The following EXOC4 variants were observed in gnomAD, a reference collection of about 807,000 sequenced individuals.
The protein encoded by EXOC4 is exocyst complex component 4, also known as SEC8-like 1.
Under a neutral mutation model 107.2 loss-of-function variants are expected in EXOC4, and 71 were observed. The ratio of observed to expected loss-of-function variants is 0.66; its 90% CI spans 0.55 to 0.81. The LOEUF (loss-of-function observed/expected upper bound fraction) is 0.81, where lower values mean the gene tolerates loss of function less well. EXOC4 is among the 30% of genes least tolerant of loss of function. The pLI, the probability that EXOC4 is intolerant of heterozygous loss-of-function variation, is 0.00. For synonymous variants in EXOC4, 456 were observed against 441.2 expected (o/e 1.03, Z -0.42); for missense variants, 1,108 against 1,189.6 (o/e 0.93, Z 1.01).
chr7:133,981,380 G>A (rs987995456), intron 14 of EXOC4, among the ~76,000 whole-genome samples: 5 of 151,942 alleles, frequency 3.3e-5, no homozygotes, highest in Admixed American at 6.6e-5. Flanking sequence ...AACTGTAGAT[G>A]GAGTGAAAAA....
chr7:133,786,198 A>G (rs1331378773), intron 10 of EXOC4, among the ~76,000 whole-genome samples: 3 of 152,206 alleles, frequency 2.0e-5, no homozygotes, highest in Non-Finnish European at 2.9e-5. Flanking sequence ...GACAAAAACC[A>G]GGGCAGCACT....
intron 12 of EXOC4, among the ~76,000 whole-genome samples, chr7:133,912,336 G>C (rs1799713766): frequency 6.6e-6 from 1 of 152,192 alleles, no homozygotes; most frequent in Non-Finnish European, 1.5e-5. Flanking sequence ...TAGCGTAGAA[G>C]GGAAAGGCTT....
At chr7:134,015,658 C>G (rs1043863058) in intron 17 of EXOC4, among the ~76,000 whole-genome samples, 5 of 151,924 alleles carry the variant, frequency 3.3e-5, no homozygotes, top group African/African-American at 1.2e-4. Context: ...AGGTGGATCA[C>G]GAGGTCAGGA....
chr7:133,955,807 C>G (rs1371371307), intron 14 of EXOC4, among the ~76,000 whole-genome samples: 1 of 152,248 alleles, frequency 6.6e-6, no homozygotes, highest in Non-Finnish European at 1.5e-5. Flanking sequence ...GTCAGCACTT[C>G]CCTGAGTGCG....
At chr7:133,353,533 T>C (rs1473185786) in intron 5 of EXOC4, among the ~76,000 whole-genome samples, 4 of 152,120 alleles carry the variant, frequency 2.6e-5, no homozygotes, top group Non-Finnish European at 5.9e-5. Context: ...GGGGATCCTG[T>C]ATATGATGAG....
Position 133,253,358 on chromosome 7 carries a change from C to A in EXOC4, c.86+171C>A, listed in dbSNP as rs536415502. On this transcript the variant is annotated intron_variant, in intron 1 of 17. Coordinates refer to ENST00000253861, the MANE Select transcript of EXOC4 (RefSeq NM_021807.4). ...CCCAGGGCCCCAGCAATTCCCCCTC[C>A]ACCTTTTTTTTCTGGGGTTAGCTAT... is the stretch of plus-strand genomic sequence containing the variant. The A allele has an allele frequency of 7.8e-6, 11 of 1,404,252 alleles. No homozygotes were observed. In the South Asian group the frequency reaches 1.7e-4, roughly 21 times the overall value. The allele number at this position is 1,404,252 out of a possible 1,614,324, so 87.0% of individuals were successfully genotyped here.
At chr7:133,975,790 AC>A (rs1187623887) in intron 14 of EXOC4, among the ~76,000 whole-genome samples, 48 of 152,230 alleles carry the variant, frequency 3.2e-4, no homozygotes, top group Non-Finnish European at 5.9e-4. Context: ...TTTCACCATA[AC>A]CCAAGAAGTA....
intron 17 of EXOC4, among the ~76,000 whole-genome samples, chr7:134,048,469 G>A (rs921310844): frequency 6.6e-6 from 1 of 152,212 alleles, no homozygotes; most frequent in African/African-American, 2.4e-5. Flanking sequence ...GCAAGATGGA[G>A]TCTGTTAGGT....
intron 1 of EXOC4, among the ~76,000 whole-genome samples, chr7:133,258,472 C>T (rs1795067885): frequency 6.6e-6 from 1 of 152,124 alleles, no homozygotes; most frequent in South Asian, 2.1e-4. Context: ...TTACTTAAAA[C>T]CACCGCGTCT....
chr7:133,769,280 G>T (rs1416281116), intron 10 of EXOC4, among the ~76,000 whole-genome samples: 3 of 148,580 alleles, frequency 2.0e-5, no homozygotes, highest in East Asian at 3.9e-4. Context: ...TACATAGATT[G>T]TTTTTTTTTT....
chr7:133,608,213 A>C (rs1801993558), intron 9 of EXOC4, among the ~76,000 whole-genome samples: 1 of 152,204 alleles, frequency 6.6e-6, no homozygotes, highest in African/African-American at 2.4e-5. Flanking sequence ...CAGCAATGGA[A>C]ATACATTTTC....
chr7:133,500,273 T>G (rs1799552752), intron 9 of EXOC4, among the ~76,000 whole-genome samples: 1 of 152,218 alleles, frequency 6.6e-6, no homozygotes, highest in East Asian at 1.9e-4. Context: ...TAGAAGTTTC[T>G]TTGTATCCTT....
intron 9 of EXOC4, among the ~76,000 whole-genome samples, chr7:133,612,949 C>T (rs1380560676): frequency 6.6e-6 from 1 of 151,910 alleles, no homozygotes; most frequent in Non-Finnish European, 1.5e-5. Context: ...GTGTAGTTGG[C>T]CCAGAACAAC....
intron 11 of EXOC4, among the ~76,000 whole-genome samples, chr7:133,866,614 A>G (rs1798645971): frequency 6.6e-6 from 1 of 152,224 alleles, no homozygotes; most frequent in African/African-American, 2.4e-5. Flanking sequence ...TCTCAGCTCT[A>G]ACAAGTACCT....
At chr7:133,734,179 A>T (rs548261996) in intron 10 of EXOC4, among the ~76,000 whole-genome samples, 26 of 152,334 alleles carry the variant, frequency 1.7e-4, no homozygotes, top group African/African-American at 5.8e-4. Context: ...GGAGAGCTTC[A>T]TTGTATCCTT....
At chr7:133,907,393 T>C (rs994424518) in intron 12 of EXOC4, among the ~76,000 whole-genome samples, 60 of 152,308 alleles carry the variant, frequency 3.9e-4, no homozygotes, top group African/African-American at 1.4e-3. Context: ...ATATTGTTTT[T>C]CAATTGTAGC....
At chr7:133,330,813 C>T (rs746758430) in intron 5 of EXOC4, among the ~76,000 whole-genome samples, 9 of 152,060 alleles carry the variant, frequency 5.9e-5, no homozygotes, top group African/African-American at 1.2e-4. Context: ...TGAGATGAAC[C>T]GGGTACCTCA....
At chr7:134,057,217 A>G (rs1040780472) in intron 17 of EXOC4, among the ~76,000 whole-genome samples, 1 of 152,198 alleles carries the variant, frequency 6.6e-6, no homozygotes, top group African/African-American at 2.4e-5. Flanking sequence ...GCCTTAAAGA[A>G]CAGACTCCCA....
chr7:133,475,743 C>CT (rs1798995734), intron 8 of EXOC4, among the ~76,000 whole-genome samples: 1 of 152,046 alleles, frequency 6.6e-6, no homozygotes, highest in Non-Finnish European at 1.5e-5. Context: ...AGAAATGAAA[C>CT]TCCCCAATTG....
Sources: gnomAD v4.1 joint callset for allele counts (sites outside exome capture counted in the v4.1 genomes callset) on GRCh38, gnomAD v4.1.1 for gene constraint, MANE v1.5 for transcripts, NCBI Gene and HGNC (gene_info 2026-07-23, HGNC 2026-07-21) for gene names.